KIZ: variants seen among roughly 807,000 people sequenced by gnomAD.
KIZ encodes kizuna centrosomal protein.
In KIZ, 68 loss-of-function variants were observed where a neutral mutation model predicts 79.6. The observed-to-expected ratio is 0.85, with a 90% CI of 0.70 to 1.05. The LOEUF (loss-of-function observed/expected upper bound fraction) is 1.05, where lower values mean the gene tolerates loss of function less well. Ranked by LOEUF, KIZ falls within the 50% of genes least tolerant of loss-of-function variation. The pLI, the probability that KIZ is intolerant of heterozygous loss-of-function variation, is 0.00. For missense variants in KIZ, 797 were observed against 800.4 expected (o/e 1.00, Z 0.05); for synonymous variants, 280 against 281.8 (o/e 0.99, Z 0.06).
At chr20:21,223,928 T>A (rs565299997) in intron 9 of KIZ, among the ~76,000 whole-genome samples, 25 of 152,304 alleles carry the variant, frequency 1.6e-4, no homozygotes, top group African/African-American at 6.0e-4. Flanking sequence ...TCCACCCACC[T>A]TAGCCTCCCA....
intron 6 of KIZ, among the ~76,000 whole-genome samples, chr20:21,181,559 A>G (rs954115801): frequency 3.9e-5 from 6 of 151,924 alleles, no homozygotes; most frequent in African/African-American, 1.5e-4. Context: ...CCCAGGTTCA[A>G]GCGTTTCTCA....
At chr20:21,229,799 C>T (rs186130427) in intron 10 of KIZ, among the ~76,000 whole-genome samples, 110 of 152,260 alleles carry the variant, frequency 7.2e-4, no homozygotes, top group African/African-American at 2.5e-3. Flanking sequence ...TGGTCTCAAA[C>T]TCCTGGACTC....
chr20:21,187,511 C>T (rs144239291), intron 6 of KIZ, among the ~76,000 whole-genome samples: 188 of 152,220 alleles, frequency 1.2e-3, no homozygotes, highest in African/African-American at 4.4e-3. Context: ...TTGCCTGAGC[C>T]GAAATTCAGT....
chr20:21,190,923 C>T (rs1245079302), intron 6 of KIZ, among the ~76,000 whole-genome samples: 1 of 152,148 alleles, frequency 6.6e-6, no homozygotes. Context: ...ACATCAGTTT[C>T]AGATGCTCAG....
intron 6 of KIZ, chr20:21,202,233 A>G (rs1024725004): frequency 6.6e-6 from 1 of 152,162 alleles, no homozygotes; most frequent in Non-Finnish European, 1.5e-5. Flanking sequence ...TCACTTAGCT[A>G]TTTAACTAAT....
chr20:21,183,948 C>T (rs2034768164), intron 6 of KIZ, among the ~76,000 whole-genome samples: 1 of 152,154 alleles, frequency 6.6e-6, no homozygotes, highest in African/African-American at 2.4e-5. Flanking sequence ...GTCATTGGCT[C>T]TGACCACATC....
At chr20:21,192,770 C>T (rs2123044154) in intron 6 of KIZ, among the ~76,000 whole-genome samples, 1 of 152,186 alleles carries the variant, frequency 6.6e-6, no homozygotes, top group South Asian at 2.1e-4. Context: ...ATGGGGAAAG[C>T]TGGCAATTTG....
intron 1 of KIZ, among the ~76,000 whole-genome samples, chr20:21,127,526 G>A (rs1269560234): frequency 1.3e-5 from 2 of 152,178 alleles, no homozygotes; most frequent in African/African-American, 4.8e-5. Context: ...TATTAAACAA[G>A]GTGAGGCTGT....
chr20:21,166,468 C>G (rs1429931148), intron 6 of KIZ: 2 of 1,577,926 alleles, frequency 1.3e-6, no homozygotes, highest in Non-Finnish European at 1.7e-6. Flanking sequence ...TGTAACCATG[C>G]TTCATCATCA....
Position 21,246,459 on chromosome 20 carries a change from T to C in KIZ, c.1925-20T>C. On this transcript the variant is annotated intron_variant, in intron 12 of 12. Coordinates refer to ENST00000619189, the MANE Select transcript of KIZ (RefSeq NM_018474.6). The stretch of plus-strand genomic sequence containing the variant: ...CCAGAATGCAAAAATGTTAAATAAC[T>C]GTCTGGTTTTATTTTCCAGCCCTCT... 1.4e-6 allele frequency: 2 copies of C among 1,474,408 alleles called. No individual in the cohort carries two copies. Among genetic ancestry groups the C allele is most frequent in the South Asian group, 2.3e-5 (2 of 87,522 alleles). 91.3% of individuals were successfully genotyped at this position (1,474,408 alleles called of 1,614,324 possible).
At chr20:21,168,807 A>G (rs2034072571) in intron 6 of KIZ, among the ~76,000 whole-genome samples, 1 of 152,206 alleles carries the variant, frequency 6.6e-6, no homozygotes. Flanking sequence ...ATCTTTGACA[A>G]ACCTGACAAA....
chr20:21,188,591 AT>A (rs1168807352), intron 6 of KIZ, among the ~76,000 whole-genome samples: 3,143 of 142,670 alleles, frequency 0.022, 92 homozygotes, highest in African/African-American at 0.069. Flanking sequence ...CACCCTCCAC[AT>A]TTTTTTTTTT....
At position 21,145,907 on chromosome 20, in the gene KIZ, GT is replaced by G. The variant is rs199724214; in HGVS notation, c.405+258del. 3.8e-3 allele frequency among the ~76,000 whole-genome samples: 575 copies of G among 152,272 alleles called. 2 individuals are homozygous for G. Among genetic ancestry groups the G allele is most frequent in the African/African-American group, 0.013 (552 of 41,564 alleles). On this transcript the variant is annotated intron_variant, in intron 4 of 12. Transcript: ENST00000619189. ...CTCAGTGTTGTCAGTAGGTAAAATT[GT>G]TTTTCTAAATCATGCCTTGTAGCTG...
At chr20:21,229,653 A>G (rs2036773151) in intron 10 of KIZ, among the ~76,000 whole-genome samples, 1 of 151,890 alleles carries the variant, frequency 6.6e-6, no homozygotes, top group South Asian at 2.1e-4. Flanking sequence ...TGGCTTACTG[A>G]AGCCTCAACC....
intron 2 of KIZ, among the ~76,000 whole-genome samples, chr20:21,132,600 A>G (rs16982501): frequency 0.016 from 2,481 of 151,340 alleles, 68 homozygotes; most frequent in African/African-American, 0.056. Context: ...TACTCTTACC[A>G]TTCTCTTATT....
intron 7 of KIZ, 27 bp from the exon 8 acceptor site, chr20:21,214,508 C>A (rs780634126): frequency 4.5e-6 from 7 of 1,570,882 alleles, no homozygotes; most frequent in East Asian, 2.3e-5. Flanking sequence ...GTTTTTATTT[C>A]TTTGTGCTTT....
intron 6 of KIZ, chr20:21,166,394 C>A: frequency 1.9e-6 from 3 of 1,599,924 alleles, no homozygotes; most frequent in Non-Finnish European, 2.6e-6. Context: ...ACTTGTTTAG[C>A]CTGCCTGTGA....
At chr20:21,130,443 T>C (rs1427573878) in intron 1 of KIZ, among the ~76,000 whole-genome samples, 1 of 152,208 alleles carries the variant, frequency 6.6e-6, no homozygotes, top group Non-Finnish European at 1.5e-5. Context: ...TCATTCTGCA[T>C]GAACCAAGTA....
intron 11 of KIZ, among the ~76,000 whole-genome samples, chr20:21,240,904 G>A (rs1242610884): frequency 1.3e-5 from 2 of 152,220 alleles, no homozygotes; most frequent in Non-Finnish European, 2.9e-5. Context: ...ACACAGTTGA[G>A]TAGTTGCGGC....
Sources: gnomAD v4.1 joint callset for allele counts (sites outside exome capture counted in the v4.1 genomes callset) on GRCh38, gnomAD v4.1.1 for gene constraint, MANE v1.5 for transcripts, NCBI Gene and HGNC (gene_info 2026-07-23, HGNC 2026-07-21) for gene names.